Variants in PRKG1 observed in about 807,000 individuals in gnomAD.
PRKG1 encodes the protein cGMP-dependent protein kinase 1.
PRKG1 carries 35 observed loss-of-function variants against 88.1 expected under a neutral mutation model. The observed-to-expected ratio is 0.40, with a 90% CI of 0.30 to 0.53. The LOEUF is 0.53. Among genes scored for constraint, PRKG1 ranks in the 20% least tolerant of loss-of-function variants. PRKG1 has a pLI of 0.59. For synonymous variants in PRKG1, 303 were observed against 292.5 expected (o/e 1.04, Z -0.37); for missense variants, 540 against 839.8 (o/e 0.64, Z 4.41).
intron 9 of PRKG1, among the ~76,000 whole-genome samples, chr10:52,208,205 T>G (rs149229504): frequency 4.1e-4 from 62 of 152,320 alleles, no homozygotes; most frequent in African/African-American, 1.4e-3. Flanking sequence ...AGAATATTCT[T>G]GAATCACTTT....
chr10:51,974,931 C>A (rs537378820), intron 5 of PRKG1, among the ~76,000 whole-genome samples: 1 of 152,084 alleles, frequency 6.6e-6, no homozygotes, highest in African/African-American at 2.4e-5. Context: ...GAATTTGGTG[C>A]CCAACTACGT....
chr10:51,603,872 A>C (rs1267437462), intron 3 of PRKG1, among the ~76,000 whole-genome samples: 2 of 152,008 alleles, frequency 1.3e-5, no homozygotes, highest in African/African-American at 2.4e-5. Flanking sequence ...GCATACCTCT[A>C]CTCCTCTATT....
At chr10:52,076,746 A>G (rs1208206121) in intron 7 of PRKG1, among the ~76,000 whole-genome samples, 3 of 152,246 alleles carry the variant, frequency 2.0e-5, no homozygotes, top group Non-Finnish European at 4.4e-5. Flanking sequence ...GAGAAAATGA[A>G]TAGCCTAATT....
chr10:51,398,438 G>T (rs1837640622), intron 2 of PRKG1, among the ~76,000 whole-genome samples: 2 of 152,178 alleles, frequency 1.3e-5, no homozygotes, highest in African/African-American at 4.8e-5. Context: ...GTTCCTAACA[G>T]GTCATGGACT....
intron 1 of PRKG1, among the ~76,000 whole-genome samples, chr10:51,067,351 T>G (rs1308100457): frequency 6.6e-6 from 1 of 151,774 alleles, no homozygotes; most frequent in African/African-American, 2.4e-5. Flanking sequence ...AGACCAAACA[T>G]GGAAACACTG....
intron 5 of PRKG1, among the ~76,000 whole-genome samples, chr10:52,010,145 AT>A (rs967128717): frequency 3.3e-5 from 5 of 152,170 alleles, no homozygotes; most frequent in Non-Finnish European, 4.4e-5. Flanking sequence ...ACAAAAAGCA[AT>A]TGCAAAAAAA....
At chr10:52,179,162 T>C (rs1838944349) in intron 9 of PRKG1, among the ~76,000 whole-genome samples, 1 of 152,170 alleles carries the variant, frequency 6.6e-6, no homozygotes, top group Non-Finnish European at 1.5e-5. Flanking sequence ...CTTTTTCCTT[T>C]CTGTATTAAC....
At chr10:51,088,738 A>G (rs1844319914) in intron 1 of PRKG1, among the ~76,000 whole-genome samples, 1 of 151,658 alleles carries the variant, frequency 6.6e-6, no homozygotes, top group Admixed American at 6.6e-5. Context: ...AACAAAGTCA[A>G]TTTCTCTGTT....
chr10:52,023,034 T>C lies in PRKG1; in HGVS notation c.763-31450T>C, dbSNP rs144050582. Among the ~76,000 whole-genome samples, 9 of 152,202 alleles carry C rather than the reference T, an allele frequency of 5.9e-5. No individual in the cohort carries two copies. In the East Asian group the frequency reaches 1.7e-3, roughly 29 times the overall value. On this transcript the variant is annotated intron_variant, in intron 5 of 17. Coordinates refer to ENST00000373980, the MANE Select transcript of PRKG1 (RefSeq NM_006258.4). ...TGTACCCATCAACCCGTCATCTACA[T>C]TGGGTATTTCTCCTAATGCAATCCT... is the stretch of plus-strand genomic sequence containing the variant.
At chr10:52,268,687 C>A (rs1287634733) in intron 10 of PRKG1, among the ~76,000 whole-genome samples, 2 of 151,186 alleles carry the variant, frequency 1.3e-5, no homozygotes, top group Non-Finnish European at 2.9e-5. Context: ...ATAGCTTGGG[C>A]CAAAAAAAAA....
intron 3 of PRKG1, among the ~76,000 whole-genome samples, chr10:51,718,816 A>G (rs1841946008): frequency 6.7e-6 from 1 of 149,588 alleles, no homozygotes; most frequent in Non-Finnish European, 1.5e-5. Flanking sequence ...TGGGGAGTGG[A>G]GTAAGGATAG....
At chr10:51,957,702 G>A (rs1312848015) in intron 5 of PRKG1, among the ~76,000 whole-genome samples, 1 of 152,170 alleles carries the variant, frequency 6.6e-6, no homozygotes, top group South Asian at 2.1e-4. Flanking sequence ...GAGAATCTCA[G>A]TATACCTTAT....
At chr10:51,982,824 T>TG (rs1844046329) in intron 5 of PRKG1, among the ~76,000 whole-genome samples, 1 of 152,050 alleles carries the variant, frequency 6.6e-6, no homozygotes, top group Non-Finnish European at 1.5e-5. Context: ...AGCAGTGTAG[T>TG]GGGGTGCACA....
chr10:51,074,339 G>T, upstream of PRKG1: 1 of 830,442 alleles, frequency 1.2e-6, no homozygotes, highest in Non-Finnish European at 1.7e-6. Context: ...ATCCCGGGTT[G>T]GACCTGCTGG....
At chr10:51,996,123 C>A (rs1450072296) in intron 5 of PRKG1, among the ~76,000 whole-genome samples, 1 of 151,462 alleles carries the variant, frequency 6.6e-6, no homozygotes, top group Non-Finnish European at 1.5e-5. Flanking sequence ...CCAGCCTGGC[C>A]AATCCGGTGA....
At chr10:51,880,427 T>C (rs1841408593) in intron 4 of PRKG1, among the ~76,000 whole-genome samples, 1 of 152,184 alleles carries the variant, frequency 6.6e-6, no homozygotes, top group African/African-American at 2.4e-5. Flanking sequence ...TCTTACCTCC[T>C]GAGTACACTT....
chr10:52,157,426 G>A (rs534365722), intron 8 of PRKG1, among the ~76,000 whole-genome samples: 2 of 149,080 alleles, frequency 1.3e-5, no homozygotes, highest in Admixed American at 1.3e-4. Context: ...TCTGATGTTT[G>A]GACTGCCTTT....
intron 3 of PRKG1, among the ~76,000 whole-genome samples, chr10:51,564,976 T>A (rs1837562476): frequency 6.6e-6 from 1 of 152,018 alleles, no homozygotes; most frequent in South Asian, 2.1e-4. Flanking sequence ...CTTTGTTGAA[T>A]AGTTTCACCC....
chr10:51,893,721 T>C (rs1430438222), intron 4 of PRKG1, among the ~76,000 whole-genome samples: 5 of 152,214 alleles, frequency 3.3e-5, no homozygotes, highest in African/African-American at 7.2e-5. Context: ...AAATATTTCA[T>C]ATTTATTAAT....
Sources: allele counts gnomAD v4.1 joint callset (sites outside exome capture counted in the v4.1 genomes callset), GRCh38; gene constraint gnomAD v4.1.1; transcripts MANE v1.5; gene names NCBI Gene and HGNC (gene_info 2026-07-23, HGNC 2026-07-21).